The following ESF1 variants were observed in gnomAD, a reference collection of about 807,000 sequenced individuals.
ESF1 encodes the protein ESF1 homolog.
Under a neutral mutation model 92.0 loss-of-function variants are expected in ESF1, and 58 were observed. The ratio of observed to expected loss-of-function variants is 0.63; its 90% CI spans 0.51 to 0.78. The LOEUF is 0.78. ESF1 is among the 30% of genes least tolerant of loss of function. ESF1 has a pLI of 0.00. For synonymous variants in ESF1, 321 were observed against 313.7 expected (o/e 1.02, Z -0.24); for missense variants, 922 against 989.1 (o/e 0.93, Z 0.91).
intron 9 of ESF1, among the ~76,000 whole-genome samples, chr20:13,751,208 A>G (rs930986975): frequency 6.6e-6 from 1 of 152,256 alleles, no homozygotes; most frequent in Non-Finnish European, 1.5e-5. Flanking sequence ...TGCAACGAAA[A>G]GTGACAGCTT....
At chr20:13,730,693 G>A (rs975641739) in intron 10 of ESF1, among the ~76,000 whole-genome samples, 8 of 150,654 alleles carry the variant, frequency 5.3e-5, no homozygotes, top group African/African-American at 1.5e-4. Flanking sequence ...CAGAACAAGC[G>A]CTTCTAAGAA....
chr20:13,735,454 T>C (rs2049970099), intron 9 of ESF1, among the ~76,000 whole-genome samples: 1 of 152,156 alleles, frequency 6.6e-6, no homozygotes, highest in Non-Finnish European at 1.5e-5. Context: ...TAAACAGTTT[T>C]CAGGAGAAAT....
chr20:13,748,507 CATATATATACACAT>C (rs766074713), intron 9 of ESF1, among the ~76,000 whole-genome samples: 14 of 131,544 alleles, frequency 1.1e-4, no homozygotes, highest in Middle Eastern at 4.0e-3. Flanking sequence ...CATATATACA[CATATATATACACAT>C]ATATATATAC....
intron 9 of ESF1, among the ~76,000 whole-genome samples, chr20:13,751,357 T>C (rs1457127895): frequency 2.0e-5 from 3 of 152,212 alleles, no homozygotes; most frequent in Non-Finnish European, 4.4e-5. Flanking sequence ...AAACAATACA[T>C]GTGACAAGTT....
chr20:13,737,615 C>T (rs886216001), intron 9 of ESF1, among the ~76,000 whole-genome samples: 4 of 152,188 alleles, frequency 2.6e-5, no homozygotes, highest in Non-Finnish European at 4.4e-5. Flanking sequence ...CCAGCCACCA[C>T]CACTGCCACC....
At chr20:13,739,179 T>C (rs1053197930) in intron 9 of ESF1, among the ~76,000 whole-genome samples, 14 of 152,304 alleles carry the variant, frequency 9.2e-5, no homozygotes, top group African/African-American at 3.4e-4. Context: ...ATGTGATCAA[T>C]GAACACGTTT....
chr20:13,775,079 G>C (rs1600294532), intron 4 of ESF1, 78 bp downstream of exon 4: 1 of 819,914 alleles, frequency 1.2e-6, no homozygotes, highest in Non-Finnish European at 1.8e-6. Flanking sequence ...GGAAAACTAT[G>C]GCCAAAAAAA....
At chr20:13,720,604 G>A (rs1001941767) in intron 11 of ESF1, among the ~76,000 whole-genome samples, 3 of 152,078 alleles carry the variant, frequency 2.0e-5, no homozygotes, top group African/African-American at 7.2e-5. Flanking sequence ...GTTATGGGAG[G>A]GGGAAGTGTA....
intron 9 of ESF1, among the ~76,000 whole-genome samples, chr20:13,747,840 G>C (rs987586199): frequency 1.1e-4 from 16 of 152,206 alleles, no homozygotes; most frequent in African/African-American, 2.9e-4. Flanking sequence ...CATCGTAATA[G>C]AGTATACTTA....
intron 11 of ESF1, among the ~76,000 whole-genome samples, chr20:13,725,002 C>G (rs1040218379): frequency 6.6e-6 from 1 of 152,182 alleles, no homozygotes; most frequent in South Asian, 2.1e-4. Flanking sequence ...TCTGGCCTGG[C>G]CTTCAAATTT....
At chr20:13,769,865 G>A (rs1272857903) in intron 7 of ESF1, 42 bp downstream of exon 7, 2 of 1,215,156 alleles carry the variant, frequency 1.6e-6, no homozygotes, top group African/African-American at 3.0e-5. Flanking sequence ...TCTTCATAAA[G>A]CAATAGAGTC....
At position 13,765,728 on chromosome 20, in the gene ESF1, A is replaced by G. The variant is rs115828883; in HGVS notation, c.1666+1049T>C. 3.4e-3 allele frequency among the ~76,000 whole-genome samples: 513 copies of G among 152,364 alleles called. 3 individuals are homozygous for G. The highest frequency in any genetic ancestry group is 0.012 in the African/African-American group (493 of 41,594). On this transcript the variant is annotated intron_variant, in intron 8 of 13. Coordinates refer to ENST00000617257, the MANE Select transcript of ESF1 (RefSeq NM_001276380.2). ...GCAGAAGCCAGGGAACCTAAGCCTT[A>G]ACATTTGGAGAAATGTGGTTCTAAA...
Position 13,775,254 on chromosome 20 carries a change from G to C in ESF1, c.1052C>G (p.Ala351Gly). 1 of 1,602,034 alleles carries C rather than the reference G, an allele frequency of 6.2e-7. No homozygotes were observed. The highest frequency in any genetic ancestry group is 1.7e-5 in the Admixed American group (1 of 58,076). ...TCTATCCCAGTCCATGTTACAAACT[G>C]CTAATCGACGTGTAATCTGAGAAAT... ...PRADEITRRL[A>G]VCNMDWDRLK... is the part of the protein sequence containing the mutation. Residue 351 changes from alanine to glycine, a missense_variant, in exon 4 of 14, where the codon GCA becomes GGA. By Grantham distance (60) the Ala-to-Gly change is moderately conservative. Coordinates refer to ENST00000617257, the MANE Select transcript of ESF1 (RefSeq NM_001276380.2).
At chr20:13,782,025 C>T (rs761761606) in intron 2 of ESF1, among the ~76,000 whole-genome samples, 6 of 152,092 alleles carry the variant, frequency 3.9e-5, no homozygotes, top group African/African-American at 7.2e-5. Flanking sequence ...TACAGGTGTG[C>T]GCCACCATGC....
chr20:13,728,522 G>T, intron 10 of ESF1, 57 bp from the exon 11 acceptor site: 1 of 1,274,884 alleles, frequency 7.8e-7, no homozygotes, highest in Non-Finnish European at 1.1e-6. Flanking sequence ...TATAATAAAT[G>T]TATACCAAGA....
intron 9 of ESF1, among the ~76,000 whole-genome samples, chr20:13,757,683 T>C (rs917851306): frequency 1.3e-5 from 2 of 152,150 alleles, no homozygotes; most frequent in African/African-American, 4.8e-5. Flanking sequence ...GGATTACAGG[T>C]GTGAGCCCCT....
chr20:13,722,642 G>C (rs6074636), intron 11 of ESF1, among the ~76,000 whole-genome samples: 25,757 of 151,926 alleles, frequency 0.17, 2,789 homozygotes, highest in Non-Finnish European at 0.24. Flanking sequence ...TTGAAGCCAG[G>C]AGTTTGAGAC....
At chr20:13,782,157 C>A (rs541042036) in intron 2 of ESF1, among the ~76,000 whole-genome samples, 1 of 152,118 alleles carries the variant, frequency 6.6e-6, no homozygotes, top group Non-Finnish European at 1.5e-5. Flanking sequence ...GGATTACAGG[C>A]GTGAGCCACC....
chr20:13,765,893 T>C (rs1224221020), intron 8 of ESF1, among the ~76,000 whole-genome samples: 1 of 152,074 alleles, frequency 6.6e-6, no homozygotes, highest in Non-Finnish European at 1.5e-5. Context: ...TGAAAATACA[T>C]GAAATATTAA....
Sources: gnomAD v4.1 joint callset for allele counts (sites outside exome capture counted in the v4.1 genomes callset) on GRCh38, gnomAD v4.1.1 for gene constraint, MANE v1.5 for transcripts, NCBI Gene and HGNC (gene_info 2026-07-23, HGNC 2026-07-21) for gene names.